HMCN1: variants seen among roughly 807,000 people sequenced by gnomAD.
HMCN1 encodes the protein hemicentin-1.
In HMCN1, 321 loss-of-function variants were observed where a neutral mutation model predicts 625.9. The ratio of observed to expected loss-of-function variants is 0.51; its 90% confidence interval spans 0.47 to 0.56. The LOEUF (loss-of-function observed/expected upper bound fraction) is 0.56, where lower values mean the gene tolerates loss of function less well. Among genes scored for constraint, HMCN1 ranks in the 20% least tolerant of loss-of-function variants. The pLI is 0.00. For missense variants in HMCN1, 6,588 were observed against 6,887.3 expected, an observed-to-expected ratio of 0.96 and a Z score of 1.54; for synonymous variants, 2,425 against 2,417.6, an observed-to-expected ratio of 1.00 and a Z score of -0.09.
chr1:186,037,769 C>A (rs1245923585), intron 36 of HMCN1, among the ~76,000 whole-genome samples, 165 bp from the exon 37 acceptor site: 4 of 151,844 alleles, frequency 2.6e-5, no homozygotes, highest in African/African-American at 9.7e-5. Context: ...TTTTTTAAAT[C>A]CTGTTCTTCA....
intron 46 of HMCN1, among the ~76,000 whole-genome samples, chr1:186,059,457 G>C (rs1197640032): frequency 6.6e-6 from 1 of 152,010 alleles, no homozygotes; most frequent in Non-Finnish European, 1.5e-5. Context: ...TACAGAAGTG[G>C]TGTTTTGGTT....
intron 24 of HMCN1, 118 bp from the exon 25 acceptor site, chr1:185,997,311 A>G (rs1571687710): frequency 1.4e-6 from 1 of 729,244 alleles, no homozygotes; most frequent in Middle Eastern, 2.3e-4. Context: ...TAGGAATCAT[A>G]TTTAAAAGAA....
chr1:185,999,945 T>TC, intron 25 of HMCN1, 100 bp from the exon 26 acceptor site: 1 of 810,048 alleles, frequency 1.2e-6, no homozygotes, highest in East Asian at 2.7e-5. Flanking sequence ...GGTTATAAAT[T>TC]ATTGTCATAA....
chr1:185,887,176 T>G (rs1159179250), intron 4 of HMCN1, among the ~76,000 whole-genome samples: 1 of 152,166 alleles, frequency 6.6e-6, no homozygotes, highest in African/African-American at 2.4e-5. Flanking sequence ...TCTGACTTCC[T>G]AGTAAGTAAG....
At chr1:185,761,890 AT>A (rs1655530929) in intron 1 of HMCN1, among the ~76,000 whole-genome samples, 1 of 152,184 alleles carries the variant, frequency 6.6e-6, no homozygotes, top group African/African-American at 2.4e-5. Flanking sequence ...CAGGTGCTAA[AT>A]TTAAGTATGA....
At chr1:185,802,108 T>C (rs114598737) in intron 1 of HMCN1, among the ~76,000 whole-genome samples, 1,840 of 152,116 alleles carry the variant, frequency 0.012, 27 homozygotes, top group African/African-American at 0.042. Context: ...AAGAGCTATT[T>C]AATGGATAAA....
At chr1:185,898,702 C>T (rs1463122249) in intron 4 of HMCN1, among the ~76,000 whole-genome samples, 2 of 152,044 alleles carry the variant, frequency 1.3e-5, no homozygotes, top group Non-Finnish European at 2.9e-5. Flanking sequence ...ACGGAGCCTG[C>T]TCTGGAGAGG....
intron 1 of HMCN1, among the ~76,000 whole-genome samples, chr1:185,791,767 A>T (rs1193494161): frequency 3.3e-5 from 5 of 152,102 alleles, no homozygotes; most frequent in African/African-American, 1.2e-4. Context: ...GAAATATTAA[A>T]TCAGTCATGA....
chr1:186,015,519 G>A (rs2102133727), intron 31 of HMCN1, 82 bp downstream of exon 31: 2 of 1,321,844 alleles, frequency 1.5e-6, no homozygotes, highest in Non-Finnish European at 2.2e-6. Context: ...TTCACTAATA[G>A]TCCTTGGTGG....
intron 29 of HMCN1, among the ~76,000 whole-genome samples, chr1:186,005,964 C>T (rs537280290): frequency 9.2e-5 from 14 of 152,016 alleles, no homozygotes; most frequent in African/African-American, 1.9e-4. Context: ...GGTGAAACTC[C>T]GTCTCTACTA....
At chr1:185,868,797 T>C (rs1242632545) in intron 4 of HMCN1, among the ~76,000 whole-genome samples, 1 of 152,202 alleles carries the variant, frequency 6.6e-6, no homozygotes, top group Non-Finnish European at 1.5e-5. Flanking sequence ...GAATACTTTA[T>C]AAAAATTTGA....
intron 1 of HMCN1, among the ~76,000 whole-genome samples, chr1:185,818,470 T>C (rs1659977665): frequency 6.6e-6 from 1 of 152,218 alleles, no homozygotes; most frequent in South Asian, 2.1e-4. Context: ...GTAGCCTTTC[T>C]ATGGATAAAC....
In HMCN1 at chr1:186,020,237, T is replaced by TCATAGATAGATAGATA. The variant is rs138058884; in HGVS notation, c.5625+542_5625+543insCATAGATAGATAGATA. Among the ~76,000 whole-genome samples the TCATAGATAGATAGATA allele has an allele frequency of 5.3e-4, 79 of 149,976 alleles. 1 individual carries two copies. Among genetic ancestry groups the TCATAGATAGATAGATA allele is most frequent in the African/African-American group, 1.9e-3 (76 of 40,620 alleles). On this transcript the variant is annotated intron_variant, in intron 35 of 106. Coordinates refer to ENST00000271588, the MANE Select transcript of HMCN1 (RefSeq NM_031935.3). ...CATATTTGTTAAATTAGTAGATTGA[T>TCATAGATAGATAGATA]GATAGATAGATAGATAGATAGATAG...
chr1:185,825,623 A>G (rs1660468633), intron 1 of HMCN1, among the ~76,000 whole-genome samples: 1 of 152,208 alleles, frequency 6.6e-6, no homozygotes, highest in South Asian at 2.1e-4. Context: ...CATTATATTT[A>G]TGTTACCTTT....
At chr1:186,092,388 A>G (rs189549801) in intron 64 of HMCN1, among the ~76,000 whole-genome samples, 66 of 152,042 alleles carry the variant, frequency 4.3e-4, no homozygotes, top group African/African-American at 1.5e-3. Flanking sequence ...TATAGCTCTC[A>G]ATAAACATTT....
intron 4 of HMCN1, among the ~76,000 whole-genome samples, chr1:185,883,835 T>C (rs1300557804): frequency 6.6e-6 from 1 of 151,462 alleles, no homozygotes; most frequent in East Asian, 1.9e-4. Context: ...CTATCATTTC[T>C]GTCACTTGAG....
chr1:186,002,554 A>G (rs1653267567), intron 28 of HMCN1, among the ~76,000 whole-genome samples: 1 of 152,102 alleles, frequency 6.6e-6, no homozygotes, highest in Non-Finnish European at 1.5e-5. Context: ...AGTTATAAAA[A>G]CAAATTACGA....
chr1:186,172,174 C>T lies in HMCN1; in HGVS notation c.15814+43C>T, dbSNP rs1159909423. 7 of 1,609,810 alleles carry T rather than the reference C, an allele frequency of 4.3e-6. No homozygotes were observed. In the South Asian group the frequency reaches 7.7e-5, roughly 18 times the overall value. ...TCCGTGACTGAGATCAGTTTGCCGT[C>T]AACAAGTCAAGTAAGGCATTCATTT... is the stretch of plus-strand genomic sequence containing the variant. On this transcript the variant is annotated intron_variant, in intron 102 of 106. Transcript: ENST00000271588.
At chr1:186,009,334 G>A (rs1468516178) in intron 30 of HMCN1, among the ~76,000 whole-genome samples, 1 of 152,186 alleles carries the variant, frequency 6.6e-6, no homozygotes, top group Non-Finnish European at 1.5e-5. Context: ...TAAACCTTCT[G>A]AGATTGTCTG....
Sources: gnomAD v4.1 joint callset for allele counts (sites outside exome capture counted in the v4.1 genomes callset) on GRCh38, gnomAD v4.1.1 for gene constraint, MANE v1.5 for transcripts, NCBI Gene and HGNC (gene_info 2026-07-23, HGNC 2026-07-21) for gene names.